TMEM117: variants seen among roughly 807,000 people sequenced by gnomAD.
The protein encoded by TMEM117 is transmembrane protein 117.
In TMEM117, 27 loss-of-function variants were observed where a neutral mutation model predicts 52.4. The ratio of observed to expected loss-of-function variants is 0.51; its 90% CI spans 0.38 to 0.71. The LOEUF is 0.71. Ranked by LOEUF, TMEM117 falls within the 30% of genes least tolerant of loss-of-function variation. TMEM117 has a pLI of 0.00. For missense variants in TMEM117, 556 were observed against 630.5 expected, an observed-to-expected ratio of 0.88 and a Z score of 1.26; for synonymous variants, 215 against 206.3, an observed-to-expected ratio of 1.04 and a Z score of -0.36.
intron 4 of TMEM117, among the ~76,000 whole-genome samples, chr12:44,209,131 G>T (rs1449821952): frequency 6.6e-6 from 1 of 152,036 alleles, no homozygotes; most frequent in Non-Finnish European, 1.5e-5. Flanking sequence ...AAGGAACAGT[G>T]GCTGAAATTG....
chr12:44,373,266 G>A (rs751478999), intron 6 of TMEM117, among the ~76,000 whole-genome samples: 18 of 152,198 alleles, frequency 1.2e-4, no homozygotes, highest in Non-Finnish European at 2.4e-4. Context: ...CTGTTCTTCT[G>A]TCTTCATGAA....
At chr12:43,998,426 T>C (rs1199784537) in intron 3 of TMEM117, among the ~76,000 whole-genome samples, 2 of 152,244 alleles carry the variant, frequency 1.3e-5, no homozygotes, top group African/African-American at 4.8e-5. Flanking sequence ...TGGTTTTGGA[T>C]ACACCCTGAT....
At chr12:43,830,251 G>A in the TMEM117 span, among the ~76,000 whole-genome samples, 3 of 152,106 alleles carry the variant, frequency 2.0e-5, no homozygotes, top group Non-Finnish European at 4.4e-5. Context: ...CACCACGCAA[G>A]TAACAGCTGT....
At chr12:43,838,908 A>G (rs1943074821) in intron 1 of TMEM117, among the ~76,000 whole-genome samples, 1 of 152,098 alleles carries the variant, frequency 6.6e-6, no homozygotes, top group South Asian at 2.1e-4. Flanking sequence ...CCAAGAGCCC[A>G]ACCCCTAAAA....
intron 4 of TMEM117, among the ~76,000 whole-genome samples, chr12:44,193,677 C>T (rs1381737825): frequency 6.6e-6 from 1 of 152,158 alleles, no homozygotes; most frequent in Non-Finnish European, 1.5e-5. Context: ...GAGAGGAAAA[C>T]ATAAAGTATC....
rs3065433 is a variant in TMEM117 at position 44,185,869 on chromosome 12, T to TACACACAC, written c.511-25382_511-25375dup. Among the ~76,000 whole-genome samples, 464 of 135,104 alleles carry TACACACAC rather than the reference T, an allele frequency of 3.4e-3. 2 individuals are homozygous for TACACACAC. Among genetic ancestry groups the TACACACAC allele is most frequent in the African/African-American group, 7.1e-3 (271 of 37,988 alleles). 88.6% of individuals were successfully genotyped at this position (135,104 alleles called of 152,430 possible). The stretch of plus-strand genomic sequence containing the variant: ...TGCTCATTTTCAGACCTAAAAGACA[T>TACACACAC]ACACACACACACACACACACACACA... On this transcript the variant is annotated intron_variant, in intron 4 of 7. Transcript: ENST00000266534.
chr12:43,937,379 T>C (rs1274999517), intron 2 of TMEM117, among the ~76,000 whole-genome samples: 2 of 152,182 alleles, frequency 1.3e-5, no homozygotes, highest in African/African-American at 2.4e-5. Flanking sequence ...CTCTGGATCA[T>C]GATTGTGTAG....
intron 3 of TMEM117, among the ~76,000 whole-genome samples, chr12:44,012,938 A>T (rs910027882): frequency 1.3e-5 from 2 of 151,500 alleles, no homozygotes; most frequent in African/African-American, 4.8e-5. Flanking sequence ...GCCTTCAGTG[A>T]TGCAGTGGTA....
In TMEM117 at chr12:44,090,866, G is replaced by C. The variant is rs1026840871; in HGVS notation, c.411-52659G>C. 1.1e-4 allele frequency among the ~76,000 whole-genome samples: 3 copies of C among 27,214 alleles called. 1 individual carries two copies. Among genetic ancestry groups the C allele is most frequent in the African/African-American group, 5.9e-4 (3 of 5,048 alleles). 17.9% of individuals were successfully genotyped at this position (27,214 alleles called of 152,430 possible). On this transcript the variant is annotated intron_variant, in intron 3 of 7. Transcript: ENST00000266534. Reference sequence around the variant, plus strand: ...TTTTTTTTGTTTTTTTTTTTTTTTTGCTGAGTGCAGGCATCACCTCTTGCT... The same window carrying C: ...TTTTTTTTGTTTTTTTTTTTTTTTTCCTGAGTGCAGGCATCACCTCTTGCT...
At chr12:44,199,790 A>G (rs1386324952) in intron 4 of TMEM117, among the ~76,000 whole-genome samples, 1 of 152,178 alleles carries the variant, frequency 6.6e-6, no homozygotes, top group Non-Finnish European at 1.5e-5. Context: ...CTTCAAGAGA[A>G]GAGATGAAAA....
At chr12:44,065,133 C>T (rs1172499763) in intron 3 of TMEM117, among the ~76,000 whole-genome samples, 1 of 151,938 alleles carries the variant, frequency 6.6e-6, no homozygotes. Flanking sequence ...GCCTGTAATC[C>T]CAGCACTTTG....
chr12:43,971,178 A>G (rs1476405649), intron 3 of TMEM117, among the ~76,000 whole-genome samples: 1 of 152,114 alleles, frequency 6.6e-6, no homozygotes, highest in Admixed American at 6.5e-5. Context: ...TCTCAAATCC[A>G]TTTAATTAGT....
At chr12:44,087,464 G>T (rs1441071870) in intron 3 of TMEM117, among the ~76,000 whole-genome samples, 1 of 151,814 alleles carries the variant, frequency 6.6e-6, no homozygotes, top group Non-Finnish European at 1.5e-5. Flanking sequence ...ATGTATGTAT[G>T]TATGTATGTA....
intron 7 of TMEM117, among the ~76,000 whole-genome samples, chr12:44,380,701 C>T (rs2138859977): frequency 6.6e-6 from 1 of 152,154 alleles, no homozygotes; most frequent in South Asian, 2.1e-4. Context: ...ATGACGCTGC[C>T]TGCCATGTAG....
At chr12:43,999,781 C>T (rs980458377) in intron 3 of TMEM117, among the ~76,000 whole-genome samples, 6 of 152,110 alleles carry the variant, frequency 3.9e-5, no homozygotes, top group African/African-American at 4.8e-5. Flanking sequence ...TGTGAGCCAC[C>T]GTGCCCGGCT....
At chr12:44,146,711 C>T (rs1053923316) in intron 4 of TMEM117, among the ~76,000 whole-genome samples, 1 of 152,096 alleles carries the variant, frequency 6.6e-6, no homozygotes, top group Admixed American at 6.5e-5. Context: ...TATTTTCCCT[C>T]ATGAGAGAAG....
the TMEM117 span, among the ~76,000 whole-genome samples, chr12:43,800,987 GGT>G: frequency 6.6e-6 from 1 of 152,062 alleles, no homozygotes; most frequent in African/African-American, 2.4e-5. Flanking sequence ...CCTGACCTCT[GGT>G]GATCCACTCG....
chr12:44,051,688 C>T (rs1946974996), intron 3 of TMEM117, among the ~76,000 whole-genome samples: 1 of 152,124 alleles, frequency 6.6e-6, no homozygotes. Context: ...GGTAACGAGA[C>T]TGTGTGAATA....
At chr12:44,067,627 G>A (rs1002392673) in intron 3 of TMEM117, among the ~76,000 whole-genome samples, 2 of 152,076 alleles carry the variant, frequency 1.3e-5, no homozygotes, top group South Asian at 2.1e-4. Context: ...ATGTCTCAAC[G>A]GTGGGCTTAA....
Sources: gnomAD v4.1 joint callset for allele counts (sites outside exome capture counted in the v4.1 genomes callset) on GRCh38, gnomAD v4.1.1 for gene constraint, MANE v1.5 for transcripts, NCBI Gene and HGNC (gene_info 2026-07-23, HGNC 2026-07-21) for gene names.